CFAP20DC: variants seen among roughly 807,000 people sequenced by gnomAD.
CFAP20DC encodes the protein CFAP20 domain containing, also known as protein CFAP20DC.
CFAP20DC carries 84 observed loss-of-function variants against 101.7 expected under a neutral mutation model. The ratio of observed to expected loss-of-function variants is 0.83; its 90% CI spans 0.69 to 0.99. The LOEUF (loss-of-function observed/expected upper bound fraction) is 0.99, where lower values mean the gene tolerates loss of function less well. CFAP20DC is among the 50% of genes least tolerant of loss of function. The pLI is 0.00. For missense variants in CFAP20DC, 1,007 were observed against 970.3 expected, an observed-to-expected ratio of 1.04 and a Z score of -0.50; for synonymous variants, 359 against 351.2, an observed-to-expected ratio of 1.02 and a Z score of -0.25.
chr3:58,880,192 CCT>C (rs1389934849), intron 7 of CFAP20DC, among the ~76,000 whole-genome samples: 3 of 152,018 alleles, frequency 2.0e-5, no homozygotes, highest in Non-Finnish European at 4.4e-5. Context: ...TCTCACTGCC[CCT>C]GTCTCTACTA....
intron 4 of CFAP20DC, among the ~76,000 whole-genome samples, chr3:58,950,866 C>A (rs540898396): frequency 8.1e-4 from 123 of 152,254 alleles, no homozygotes; most frequent in Middle Eastern, 3.4e-3. Context: ...GACTTCATGT[C>A]TAAAACACCA....
chr3:59,046,192 C>T, intron 3 of CFAP20DC, 37 bp downstream of exon 3: 1 of 1,378,282 alleles, frequency 7.3e-7, no homozygotes, highest in Non-Finnish European at 9.9e-7. Context: ...ACTTTGAGTA[C>T]AAAATGTTAA....
Position 58,799,466 on chromosome 3 carries a change from T to G in CFAP20DC, c.2237+6929A>C, listed in dbSNP as rs1378797457. 1.3e-5 allele frequency among the ~76,000 whole-genome samples: 2 copies of G among 152,162 alleles called. No individual in the cohort carries two copies. The highest frequency in any genetic ancestry group is 2.9e-5 in the Non-Finnish European group (2 of 68,018). On this transcript the variant is annotated intron_variant, in intron 15 of 16. Transcript: ENST00000482387. The surrounding 1 kb of genome is among the most constrained non-coding windows in gnomAD (Gnocchi z 4.9). ...AGGTAGAGAAGTATACAGGTGCTCA[T>G]GGGCTCCAGCTAGTGGAATACACAG...
At chr3:58,761,222 TG>T (rs2069555896) in intron 15 of CFAP20DC, among the ~76,000 whole-genome samples, 1 of 152,208 alleles carries the variant, frequency 6.6e-6, no homozygotes, top group Admixed American at 6.5e-5. Context: ...AGCCTGTCAT[TG>T]GTCTATTCAG....
intron 12 of CFAP20DC, among the ~76,000 whole-genome samples, chr3:58,855,282 A>G (rs1203009343): frequency 2.0e-5 from 3 of 152,202 alleles, no homozygotes; most frequent in Admixed American, 1.3e-4. Context: ...CAGAACCACA[A>G]TGAGATACCA....
chr3:58,966,496 A>ATG lies in CFAP20DC; in HGVS notation c.279-28736_279-28735dup, dbSNP rs763004654. Among the ~76,000 whole-genome samples the ATG allele has an allele frequency of 8.5e-3, 980 of 114,764 alleles. 9 individuals are homozygous for ATG. Among genetic ancestry groups the ATG allele is most frequent in the Non-Finnish European group, 0.015 (691 of 45,712 alleles). 75.3% of individuals were successfully genotyped at this position (114,764 alleles called of 152,430 possible). On this transcript the variant is annotated intron_variant, in intron 4 of 16. Coordinates refer to ENST00000482387, the MANE Select transcript of CFAP20DC (RefSeq NM_001394063.1). ...TGTGTATATATATATATATACACAT[A>ATG]TGTGTGTGTGTGTGTATATATATAA...
At chr3:58,903,887 T>C (rs1244484616) in intron 6 of CFAP20DC, among the ~76,000 whole-genome samples, 1 of 152,180 alleles carries the variant, frequency 6.6e-6, no homozygotes, top group Non-Finnish European at 1.5e-5. Flanking sequence ...CAAAGCCAAA[T>C]TGTTTTGGTT....
intron 14 of CFAP20DC, among the ~76,000 whole-genome samples, chr3:58,813,317 C>T (rs12635024): frequency 0.12 from 18,494 of 151,850 alleles, 2,253 homozygotes; most frequent in East Asian, 0.35. Context: ...TGTTCTATAA[C>T]GGGAAAAAAT....
chr3:58,982,721 G>C (rs375397825), intron 4 of CFAP20DC, among the ~76,000 whole-genome samples: 1 of 101,286 alleles, frequency 9.9e-6, no homozygotes, highest in Non-Finnish European at 1.9e-5. Context: ...GTGGGGGGAG[G>C]GGGGAGGGAT....
At chr3:58,975,906 C>A (rs1242098100) in intron 4 of CFAP20DC, among the ~76,000 whole-genome samples, 1 of 151,960 alleles carries the variant, frequency 6.6e-6, no homozygotes, top group Non-Finnish European at 1.5e-5. Flanking sequence ...ATGGTAACTG[C>A]AAAACACATT....
chr3:58,914,691 TA>T lies in CFAP20DC; in HGVS notation c.394-828del, dbSNP rs201055518. ...CTGTATATATAAATATATATATATA[TA>T]TTTTTTTTCTTTTTTTTAAAGACAA... On this transcript the variant is annotated intron_variant, in intron 5 of 16. Transcript: ENST00000482387. This position sits in a 1 kb window ranked among gnomAD's most constrained non-coding sequence, Gnocchi z 4.9. 1.3e-3 allele frequency among the ~76,000 whole-genome samples: 183 copies of T among 146,286 alleles called. No individual in the cohort carries two copies. Among genetic ancestry groups the T allele is most frequent in the African/African-American group, 3.5e-3 (135 of 38,330 alleles).
At chr3:58,977,832 C>T (rs1235378471) in intron 4 of CFAP20DC, among the ~76,000 whole-genome samples, 2 of 152,102 alleles carry the variant, frequency 1.3e-5, no homozygotes, top group African/African-American at 4.8e-5. Flanking sequence ...AGCCTCACAC[C>T]TTCCGTGTTT....
intron 15 of CFAP20DC, among the ~76,000 whole-genome samples, chr3:58,805,535 C>T (rs186385684): frequency 6.6e-6 from 1 of 152,318 alleles, no homozygotes; most frequent in East Asian, 1.9e-4. Context: ...AATTCAGACA[C>T]CATGCAATAG....
intron 16 of CFAP20DC, among the ~76,000 whole-genome samples, chr3:58,746,912 A>G (rs770377545): frequency 5.3e-5 from 8 of 152,196 alleles, no homozygotes; most frequent in Non-Finnish European, 8.8e-5. Flanking sequence ...TGAAATTATA[A>G]TATCATTACG....
chr3:58,935,782 T>C (rs1197617194), intron 5 of CFAP20DC, among the ~76,000 whole-genome samples: 1 of 152,186 alleles, frequency 6.6e-6, no homozygotes. Flanking sequence ...TCAAGGTGGA[T>C]TAAAGACTTA....
At chr3:58,889,494 C>A (rs1229290302) in intron 6 of CFAP20DC, among the ~76,000 whole-genome samples, 1 of 152,070 alleles carries the variant, frequency 6.6e-6, no homozygotes, top group African/African-American at 2.4e-5. Flanking sequence ...CCTCTATTTA[C>A]CAAACCATAA....
At chr3:58,798,259 C>T (rs1351198660) in intron 15 of CFAP20DC, among the ~76,000 whole-genome samples, 7 of 152,108 alleles carry the variant, frequency 4.6e-5, no homozygotes, top group Non-Finnish European at 1.5e-5. Context: ...TAAAAACATG[C>T]AGCATTCATG....
At chr3:58,817,481 T>C (rs1226000245) in intron 14 of CFAP20DC, among the ~76,000 whole-genome samples, 1 of 146,566 alleles carries the variant, frequency 6.8e-6, no homozygotes, top group African/African-American at 2.5e-5. Flanking sequence ...GCTCGAGAAC[T>C]ACGTGAAGAA....
At chr3:58,994,222 T>G (rs1217236409) in intron 4 of CFAP20DC, among the ~76,000 whole-genome samples, 1 of 152,228 alleles carries the variant, frequency 6.6e-6, no homozygotes, top group Non-Finnish European at 1.5e-5. Flanking sequence ...CAGCACACAC[T>G]GAGCTTAACT....
Sources: allele counts gnomAD v4.1 joint callset (sites outside exome capture counted in the v4.1 genomes callset), GRCh38; gene constraint gnomAD v4.1.1; non-coding constraint Gnocchi (gnomAD v3.1); transcripts MANE v1.5; gene names NCBI Gene and HGNC (gene_info 2026-07-23, HGNC 2026-07-21).